The following LRRC37A2 variants were observed in gnomAD, a reference collection of about 807,000 sequenced individuals.
LRRC37A2 encodes leucine-rich repeat-containing protein 37A2.
In LRRC37A2, 9 loss-of-function variants were observed where a neutral mutation model predicts 68.8. That is an observed-to-expected ratio of 0.13 (90% CI 0.08 to 0.23). The LOEUF is 0.23. LRRC37A2 is among the 10% of genes least tolerant of loss of function. The pLI is 1.00. For missense variants in LRRC37A2, 168 were observed against 950.4 expected, an observed-to-expected ratio of 0.18 and a Z score of 10.82; for synonymous variants, 63 against 367.6, an observed-to-expected ratio of 0.17 and a Z score of 9.48.
At chr17:46,843,158 T>G in the LRRC37A2 span, among the ~76,000 whole-genome samples, 1 of 152,184 alleles carries the variant, frequency 6.6e-6, no homozygotes, top group South Asian at 2.1e-4. Flanking sequence ...GGGTAGATAT[T>G]AATATCGGAG....
chr17:46,796,058 C>G, the LRRC37A2 span, among the ~76,000 whole-genome samples: 2 of 152,190 alleles, frequency 1.3e-5, no homozygotes, highest in Non-Finnish European at 2.9e-5. Context: ...CTGTCCCATC[C>G]GCAGGTGGTA....
chr17:46,737,607 T>C, the LRRC37A2 span, among the ~76,000 whole-genome samples: 1 of 150,436 alleles, frequency 6.6e-6, no homozygotes, highest in Admixed American at 6.6e-5. Flanking sequence ...GTGTGTGTTT[T>C]CTGATCCATG....
chr17:46,816,137 ACACG>A, the LRRC37A2 span, among the ~76,000 whole-genome samples: 1 of 43,438 alleles, frequency 2.3e-5, no homozygotes, highest in African/African-American at 7.2e-5. Flanking sequence ...ACACTCACAC[ACACG>A]CACGCACGCA....
At chr17:47,004,721 C>A in the LRRC37A2 span, among the ~76,000 whole-genome samples, 1 of 152,170 alleles carries the variant, frequency 6.6e-6, no homozygotes. Context: ...GTAGAGACAG[C>A]GTCTCACTAT....
the LRRC37A2 span, among the ~76,000 whole-genome samples, chr17:46,914,607 T>A: frequency 8.0e-6 from 1 of 125,374 alleles, no homozygotes; most frequent in Non-Finnish European, 1.6e-5. Context: ...GCTTAGATCA[T>A]GCCACTGTAC....
chr17:46,910,245 G>A, the LRRC37A2 span: 1 of 152,180 alleles, frequency 6.6e-6, no homozygotes, highest in African/African-American at 2.4e-5. Flanking sequence ...AGGACTCATT[G>A]AGTGGCATGG....
At chr17:47,036,671 G>A in the LRRC37A2 span, among the ~76,000 whole-genome samples, 1 of 149,704 alleles carries the variant, frequency 6.7e-6, no homozygotes, top group Admixed American at 6.7e-5. Flanking sequence ...TTTATTTCTG[G>A]GTTGTCAATT....
At chr17:46,925,389 C>T in the LRRC37A2 span, among the ~76,000 whole-genome samples, 1 of 152,260 alleles carries the variant, frequency 6.6e-6, no homozygotes, top group Non-Finnish European at 1.5e-5. Flanking sequence ...GTGCACCATT[C>T]TCAGTGCTGG....
At chr17:46,711,919 A>G in the LRRC37A2 span, among the ~76,000 whole-genome samples, 45,857 of 152,080 alleles carry the variant, frequency 0.3, 7,685 homozygotes, top group East Asian at 0.6. Context: ...AAGGGAGATT[A>G]TCCTGACATG....
the LRRC37A2 span, among the ~76,000 whole-genome samples, chr17:46,925,925 C>T: frequency 6.6e-6 from 1 of 152,162 alleles, no homozygotes; most frequent in Non-Finnish European, 1.5e-5. Context: ...TATAGAGGAG[C>T]TAATAGCCAG....
At chr17:47,012,834 C>T in the LRRC37A2 span, among the ~76,000 whole-genome samples, 1 of 152,154 alleles carries the variant, frequency 6.6e-6, no homozygotes, top group Non-Finnish European at 1.5e-5. Context: ...AAGCTTAAAC[C>T]TAGGGTTACC....
chr17:46,734,977 T>A, the LRRC37A2 span, among the ~76,000 whole-genome samples: 1 of 152,076 alleles, frequency 6.6e-6, no homozygotes, highest in African/African-American at 2.4e-5. Context: ...CTTGAGCCCA[T>A]GAGTTCAAGA....
chr17:46,849,864 T>TTTTTG, the LRRC37A2 span, among the ~76,000 whole-genome samples: 1 of 151,836 alleles, frequency 6.6e-6, no homozygotes, highest in Non-Finnish European at 1.5e-5. Context: ...TTTTTTTGTT[T>TTTTTG]TGAGATGGAG....
chr17:46,953,213 A>G, the LRRC37A2 span, among the ~76,000 whole-genome samples: 1 of 151,062 alleles, frequency 6.6e-6, no homozygotes, highest in South Asian at 2.1e-4. Context: ...CCACCCCACA[A>G]CAGTCTCCGG....
chr17:46,541,852 TG>T (rs1423747344), intron 8 of LRRC37A2, among the ~76,000 whole-genome samples: 1 of 150,822 alleles, frequency 6.6e-6, no homozygotes, highest in Non-Finnish European at 1.5e-5. Flanking sequence ...CTGTGGACTT[TG>T]GTATCTGCAG....
chr17:46,753,731 G>C, the LRRC37A2 span, among the ~76,000 whole-genome samples: 1 of 152,180 alleles, frequency 6.6e-6, no homozygotes. Context: ...ATGTGGGATA[G>C]AGAGTGAGAG....
the LRRC37A2 span, among the ~76,000 whole-genome samples, chr17:46,823,608 T>C: frequency 2.0e-5 from 3 of 152,038 alleles, no homozygotes; most frequent in Non-Finnish European, 4.4e-5. Context: ...CCCAGCTAAT[T>C]TGTGTTTTTT....
chr17:46,773,010 C>T, the LRRC37A2 span, among the ~76,000 whole-genome samples: 1 of 152,166 alleles, frequency 6.6e-6, no homozygotes, highest in Non-Finnish European at 1.5e-5. Flanking sequence ...AAGTCCCCTT[C>T]TTGGGAGGAG....
At chr17:46,490,513 G>A in the LRRC37A2 span, among the ~76,000 whole-genome samples, 3 of 150,890 alleles carry the variant, frequency 2.0e-5, no homozygotes, top group Non-Finnish European at 4.4e-5. Flanking sequence ...GCCTGAGCTC[G>A]AGAGTTGGAG....
Sources: allele counts gnomAD v4.1 joint callset (sites outside exome capture counted in the v4.1 genomes callset), GRCh38; gene constraint gnomAD v4.1.1; transcripts MANE v1.5; gene names NCBI Gene and HGNC (gene_info 2026-07-23, HGNC 2026-07-21).